NECTIN3: variants seen among roughly 807,000 people sequenced by gnomAD.
NECTIN3 encodes nectin cell adhesion molecule 3.
NECTIN3 carries 8 observed loss-of-function variants against 49.4 expected under a neutral mutation model. The observed-to-expected ratio is 0.16, with a 90% CI of 0.10 to 0.29. NECTIN3 has a LOEUF of 0.29. Among genes scored for constraint, NECTIN3 ranks in the 10% least tolerant of loss-of-function variants. The pLI is 1.00. For synonymous variants in NECTIN3, 277 were observed against 241.1 expected (o/e 1.15, Z -1.38); for missense variants, 581 against 654.6 (o/e 0.89, Z 1.23).
chr3:111,134,638 A>C lies in NECTIN3; in HGVS notation c.*423A>C. On this transcript the variant is annotated 3_prime_UTR_variant, in exon 6 of 6. Transcript: ENST00000485303. ...TACCTCTCAAAATTTATCACCACTC[A>C]ATGACACTGCATCAAAATTGACTAT... is the stretch of plus-strand genomic sequence containing the variant. 1.1e-6 allele frequency: 1 copy of C among 881,252 alleles called. No homozygotes were observed. Among genetic ancestry groups the C allele is most frequent in the Non-Finnish European group, 1.4e-6 (1 of 735,286 alleles). 54.6% of individuals were successfully genotyped at this position (881,252 alleles called of 1,614,324 possible).
chr3:111,132,698 C>T (rs909849361), intron 5 of NECTIN3, among the ~76,000 whole-genome samples: 3 of 151,798 alleles, frequency 2.0e-5, no homozygotes, highest in Non-Finnish European at 2.9e-5. Flanking sequence ...ACACAGATTC[C>T]TTTGCATCTA....
intron 1 of NECTIN3, among the ~76,000 whole-genome samples, chr3:111,103,964 A>G (rs760791989): frequency 8.5e-5 from 13 of 152,210 alleles, no homozygotes; most frequent in Non-Finnish European, 1.9e-4. Flanking sequence ...TAAAGCCACT[A>G]TGAACATGGG....
rs1300529285 is a variant in NECTIN3, at chr3:111,134,328, A to G, written c.*113A>G. The stretch of plus-strand genomic sequence containing the variant: ...AATAAGCTTTTTCAAGTTGATTTTC[A>G]AGCTTACTTTTTATATTCTAATCTG... On this transcript the variant is annotated 3_prime_UTR_variant, in exon 6 of 6. Coordinates refer to ENST00000485303, the MANE Select transcript of NECTIN3 (RefSeq NM_015480.3). The G allele has an allele frequency of 1.4e-5, 20 of 1,448,568 alleles. No individual in the cohort carries two copies. In the South Asian group the frequency reaches 2.8e-4, roughly 21 times the overall value. The allele number at this position is 1,448,568 out of a possible 1,614,324, so 89.7% of individuals were successfully genotyped here. A position where few individuals can be genotyped will look rare whatever the true frequency, so the allele number is the denominator to read the frequency against.
In NECTIN3 at chr3:111,112,062, C is replaced by T; in HGVS notation, c.193C>T (p.His65Tyr). 1 of 1,611,200 alleles carries T rather than the reference C, an allele frequency of 6.2e-7. No homozygotes were observed. Among genetic ancestry groups the T allele is most frequent in the Non-Finnish European group, 8.5e-7 (1 of 1,178,176 alleles). Reference sequence around the variant, plus strand: ...AGCTGGACCAATTATTGTGGAGCCACATGTCACAGCAGTATGGGGAAAGAA... The same window carrying T: ...AGCTGGACCAATTATTGTGGAGCCATATGTCACAGCAGTATGGGGAAAGAA... Reference protein sequence around the residue: ...ALAGPIIVEPHVTAVWGKNVS... With the variant: ...ALAGPIIVEPYVTAVWGKNVS... Residue 65 changes from histidine to tyrosine, a missense_variant, in exon 2 of 6, where the codon CAT becomes TAT. This residue lies in a region of NECTIN3 where 234 missense variants were observed against 340.6 expected (regional missense o/e 0.69). Coordinates refer to ENST00000485303, the MANE Select transcript of NECTIN3 (RefSeq NM_015480.3).
chr3:111,095,298 C>T (rs2032521438), intron 1 of NECTIN3, among the ~76,000 whole-genome samples: 2 of 151,404 alleles, frequency 1.3e-5, no homozygotes, highest in Admixed American at 6.6e-5. Context: ...AGAAAAGGTT[C>T]CATGTTATAT....
intron 7 of NECTIN3, among the ~76,000 whole-genome samples, chr3:111,148,420 T>C (rs1173053035): frequency 6.6e-6 from 1 of 152,236 alleles, no homozygotes; most frequent in African/African-American, 2.4e-5. Flanking sequence ...TTAGGTGTCC[T>C]GATGGTGAAG....
chr3:111,150,927 A>T (rs1006698704), intron 7 of NECTIN3, among the ~76,000 whole-genome samples: 2 of 151,906 alleles, frequency 1.3e-5, no homozygotes, highest in Non-Finnish European at 2.9e-5. Context: ...TAACATGATA[A>T]ATATAGATAG....
At chr3:111,112,679 C>T (rs186776572) in intron 2 of NECTIN3, among the ~76,000 whole-genome samples, 2 of 151,794 alleles carry the variant, frequency 1.3e-5, no homozygotes, top group Admixed American at 1.3e-4. Context: ...TTTTCATTAC[C>T]TCCCCTCAAA....
At chr3:111,192,363 C>T (rs1310802563) in exon 1 of NECTIN3, 11 of 1,535,772 alleles carry the variant, frequency 7.2e-6, no homozygotes, top group African/African-American at 2.7e-5. Context: ...TGAACACTTG[C>T]CTTTGCAGAC....
At chr3:111,074,073 G>C (rs771281052) in intron 1 of NECTIN3, 18 of 354,962 alleles carry the variant, frequency 5.1e-5, no homozygotes, top group Non-Finnish European at 6.2e-5. Flanking sequence ...TTGTATTCCT[G>C]TGTGCTACTC....
intron 7 of NECTIN3, among the ~76,000 whole-genome samples, chr3:111,162,213 T>A (rs1026905500): frequency 1.4e-4 from 22 of 152,060 alleles, no homozygotes; most frequent in African/African-American, 4.1e-4. Context: ...TAAAAAAAAA[T>A]CTCAGTCATA....
At chr3:111,188,779 T>C (rs541975142), upstream of NECTIN3, among the ~76,000 whole-genome samples, 3 of 152,324 alleles carry the variant, frequency 2.0e-5, no homozygotes, top group African/African-American at 7.2e-5. Flanking sequence ...TAGGTGATGA[T>C]CAAATACAGT....
At chr3:111,092,022 G>T (rs1435914444) in intron 1 of NECTIN3, among the ~76,000 whole-genome samples, 4 of 152,116 alleles carry the variant, frequency 2.6e-5, no homozygotes, top group African/African-American at 9.7e-5. Context: ...GTTTTAATTT[G>T]CATTACCGTG....
intron 1 of NECTIN3, among the ~76,000 whole-genome samples, chr3:111,100,614 A>T (rs1176530342): frequency 6.6e-6 from 1 of 152,088 alleles, no homozygotes; most frequent in Non-Finnish European, 1.5e-5. Context: ...GGGCTACTCA[A>T]CCTGTAATAT....
intron 5 of NECTIN3, among the ~76,000 whole-genome samples, chr3:111,128,362 C>T (rs902142861): frequency 6.6e-6 from 1 of 151,634 alleles, no homozygotes; most frequent in Non-Finnish European, 1.5e-5. Context: ...TATCAAGGCT[C>T]ATTTTGGACA....
chr3:111,141,986 AGGG>A (rs1030568364), downstream of NECTIN3, among the ~76,000 whole-genome samples: 13 of 151,704 alleles, frequency 8.6e-5, no homozygotes, highest in African/African-American at 3.1e-4. Context: ...GGTTGGGAAA[AGGG>A]GGAAACAGTG....
downstream of NECTIN3, among the ~76,000 whole-genome samples, chr3:111,141,730 A>T (rs1383574385): frequency 6.6e-6 from 1 of 151,924 alleles, no homozygotes; most frequent in African/African-American, 2.4e-5. Context: ...TTTTTTAGAA[A>T]TGCATGCACC....
intron 4 of NECTIN3, among the ~76,000 whole-genome samples, chr3:111,125,391 T>C (rs925063724): frequency 6.6e-6 from 1 of 152,064 alleles, no homozygotes; most frequent in African/African-American, 2.4e-5. Context: ...AAAACACTTA[T>C]TTGTTGTTTT....
At chr3:111,184,071 A>T (rs1012992989) in intron 7 of NECTIN3, among the ~76,000 whole-genome samples, 11 of 152,122 alleles carry the variant, frequency 7.2e-5, no homozygotes, top group Admixed American at 1.3e-4. Context: ...GTATTGATAG[A>T]TTCTGCCTTT....
Sources: gnomAD v4.1 joint callset for allele counts (sites outside exome capture counted in the v4.1 genomes callset) on GRCh38, gnomAD v4.1.1 for gene constraint, gnomAD v4.1.1 regional missense constraint, MANE v1.5 for transcripts, NCBI Gene and HGNC (gene_info 2026-07-23, HGNC 2026-07-21) for gene names.